NTM: variants seen among roughly 807,000 people sequenced by gnomAD.
NTM encodes the protein neurotrimin.
In NTM, 13 loss-of-function variants were observed where a neutral mutation model predicts 42.1. The ratio of observed to expected loss-of-function variants is 0.31; its 90% CI spans 0.20 to 0.49. The LOEUF is 0.49. Ranked by LOEUF, NTM falls within the 20% of genes least tolerant of loss-of-function variation. The probability of loss-of-function intolerance (pLI) is 0.99; values close to 1 mark genes in which losing one functional copy is unlikely to be tolerated. For missense variants in NTM, 373 were observed against 452.8 expected, an observed-to-expected ratio of 0.82 and a Z score of 1.60; for synonymous variants, 187 against 179.2, an observed-to-expected ratio of 1.04 and a Z score of -0.35.
intron 7 of NTM, among the ~76,000 whole-genome samples, chr11:132,322,193 G>A (rs2136294125): frequency 6.6e-6 from 1 of 152,102 alleles, no homozygotes; most frequent in Admixed American, 6.5e-5. Context: ...AACTTTAAAT[G>A]TAAATGGACT....
intron 1 of NTM, among the ~76,000 whole-genome samples, chr11:131,518,867 C>T (rs563293964): frequency 6.6e-6 from 1 of 152,144 alleles, no homozygotes; most frequent in African/African-American, 2.4e-5. Flanking sequence ...CATAGATACC[C>T]GACCTTAATA....
At chr11:132,156,926 C>T (rs1225123782) in intron 3 of NTM, among the ~76,000 whole-genome samples, 5 of 152,114 alleles carry the variant, frequency 3.3e-5, no homozygotes, top group Admixed American at 6.5e-5. Context: ...AGTGTAAAGA[C>T]GGGAGCAGAG....
chr11:131,512,134 G>A (rs2048326552), intron 1 of NTM, among the ~76,000 whole-genome samples: 2 of 152,102 alleles, frequency 1.3e-5, no homozygotes, highest in African/African-American at 4.8e-5. Context: ...AATCACCAAA[G>A]CTCTCCTGCA....
At chr11:131,912,524 C>T (rs1198088885) in intron 2 of NTM, among the ~76,000 whole-genome samples, 1 of 152,192 alleles carries the variant, frequency 6.6e-6, no homozygotes, top group African/African-American at 2.4e-5. Context: ...TGTTGATAAA[C>T]CACACCTCTC....
chr11:131,911,033 G>A (rs1020510692), intron 1 of NTM: 1 of 1,033,292 alleles, frequency 9.7e-7, no homozygotes, highest in African/African-American at 1.7e-5. Context: ...TCCCCCGTTC[G>A]AACTGAGGGA....
chr11:132,049,350 C>G (rs1278434545), intron 2 of NTM, among the ~76,000 whole-genome samples: 1 of 152,170 alleles, frequency 6.6e-6, no homozygotes, highest in Non-Finnish European at 1.5e-5. Flanking sequence ...AGGGCACATT[C>G]CCCCTTCATG....
At chr11:131,869,768 G>C (rs2047584711) in intron 1 of NTM, among the ~76,000 whole-genome samples, 1 of 152,112 alleles carries the variant, frequency 6.6e-6, no homozygotes, top group Non-Finnish European at 1.5e-5. Context: ...ATCTAAGATA[G>C]CTCCTGGAAT....
chr11:131,481,477 A>G (rs183684653), intron 1 of NTM, among the ~76,000 whole-genome samples: 2 of 152,324 alleles, frequency 1.3e-5, no homozygotes, highest in African/African-American at 4.8e-5. Context: ...AAGAAGGGGG[A>G]GAACTTCAGA....
At chr11:131,605,762 T>C in intron 1 of NTM, 1 of 982,660 alleles carries the variant, frequency 1.0e-6, no homozygotes, top group Non-Finnish European at 1.2e-6. Flanking sequence ...TTGAAAAAAA[T>C]AAATAAAGGT....
intron 2 of NTM, among the ~76,000 whole-genome samples, chr11:131,953,061 A>G (rs1225288973): frequency 6.6e-6 from 1 of 152,172 alleles, no homozygotes; most frequent in East Asian, 1.9e-4. Context: ...GCCATTCATC[A>G]TGACTCTTAG....
At chr11:132,023,469 G>A (rs555580885) in intron 2 of NTM, among the ~76,000 whole-genome samples, 6 of 152,182 alleles carry the variant, frequency 3.9e-5, no homozygotes, top group Admixed American at 1.3e-4. Flanking sequence ...CCCTGGCAAA[G>A]GTGTTGACCC....
chr11:131,806,279 C>T lies in NTM; in HGVS notation c.83-105285C>T, dbSNP rs184199970. Among the ~76,000 whole-genome samples the T allele has an allele frequency of 2.8e-4, 42 of 152,270 alleles. 1 individual carries two copies. Among genetic ancestry groups the T allele is most frequent in the Admixed American group, 1.7e-3 (26 of 15,290 alleles). On this transcript the variant is annotated intron_variant, in intron 1 of 8. Transcript: ENST00000683400. The stretch of plus-strand genomic sequence containing the variant: ...GTTTATATGCACTCAACTGCTATGA[C>T]CCAGAATCTTAAAAATATCTAATAA...
At chr11:131,669,439 T>A (rs1176767220) in intron 1 of NTM, among the ~76,000 whole-genome samples, 2 of 152,222 alleles carry the variant, frequency 1.3e-5, no homozygotes, top group African/African-American at 4.8e-5. Flanking sequence ...GCATGTGAGA[T>A]ACTTAGCATC....
intron 1 of NTM, among the ~76,000 whole-genome samples, chr11:131,416,088 T>A (rs1946914607): frequency 6.6e-6 from 1 of 152,218 alleles, no homozygotes; most frequent in African/African-American, 2.4e-5. Context: ...CACTCAAAAA[T>A]AATTTGCTTT....
intron 2 of NTM, among the ~76,000 whole-genome samples, chr11:131,993,009 A>C (rs1200383211): frequency 1.3e-5 from 2 of 152,304 alleles, no homozygotes; most frequent in Non-Finnish European, 2.9e-5. Context: ...TTACCCACTA[A>C]GTATTCTGAT....
chr11:132,133,425 A>G (rs183306277), intron 2 of NTM, among the ~76,000 whole-genome samples: 1 of 152,362 alleles, frequency 6.6e-6, no homozygotes, highest in Admixed American at 6.5e-5. Context: ...GGAGGTGCTC[A>G]ATGAACATTT....
At chr11:131,864,905 C>A (rs540430712) in intron 1 of NTM, among the ~76,000 whole-genome samples, 1 of 152,280 alleles carries the variant, frequency 6.6e-6, no homozygotes, top group East Asian at 1.9e-4. Flanking sequence ...TGTTTCTGGG[C>A]TTAGACAACT....
chr11:131,566,788 AAG>A (rs2056935982), intron 1 of NTM, among the ~76,000 whole-genome samples: 1 of 152,192 alleles, frequency 6.6e-6, no homozygotes, highest in Admixed American at 6.5e-5. Context: ...TGTTCTGAAA[AAG>A]AGAGAGGGGG....
intron 1 of NTM, among the ~76,000 whole-genome samples, chr11:131,706,480 G>T (rs1408676187): frequency 6.6e-6 from 1 of 151,940 alleles, no homozygotes; most frequent in Non-Finnish European, 1.5e-5. Flanking sequence ...ATAGATTAAA[G>T]GGATCCTAAC....
Sources: gnomAD v4.1 joint callset for allele counts (sites outside exome capture counted in the v4.1 genomes callset) on GRCh38, gnomAD v4.1.1 for gene constraint, MANE v1.5 for transcripts, NCBI Gene and HGNC (gene_info 2026-07-23, HGNC 2026-07-21) for gene names.